The following WDFY3 variants were observed in gnomAD, a reference collection of about 807,000 sequenced individuals.
The protein encoded by WDFY3 is WD repeat and FYVE domain containing 3.
A neutral mutation model predicts 409.6 loss-of-function variants in WDFY3; 66 were observed. The observed-to-expected ratio is 0.16, with a 90% confidence interval of 0.13 to 0.20. The LOEUF (loss-of-function observed/expected upper bound fraction) is 0.20, where lower values mean the gene tolerates loss of function less well. WDFY3 is among the 10% of genes least tolerant of loss of function. The pLI, the probability that WDFY3 is intolerant of heterozygous loss-of-function variation, is 1.00. For synonymous variants in WDFY3, 1,521 were observed against 1,537.1 expected, an observed-to-expected ratio of 0.99 and a Z score of 0.25; for missense variants, 3,031 against 4,298.1, an observed-to-expected ratio of 0.71 and a Z score of 8.24.
intron 17 of WDFY3, among the ~76,000 whole-genome samples, chr4:84,799,301 C>G (rs145331193): frequency 6.6e-6 from 1 of 151,236 alleles, no homozygotes; most frequent in Admixed American, 6.6e-5. Context: ...GGACTACAGG[C>G]ACACGCCACC....
intron 2 of WDFY3, among the ~76,000 whole-genome samples, chr4:84,906,125 C>T (rs1341155268): frequency 3.3e-5 from 5 of 152,126 alleles, no homozygotes; most frequent in Non-Finnish European, 7.4e-5. Flanking sequence ...AGTAAAATGC[C>T]TGTCATGTAA....
chr4:84,721,268 C>G (rs1734815264), intron 47 of WDFY3, 141 bp downstream of exon 47: 2 of 1,125,724 alleles, frequency 1.8e-6, no homozygotes, highest in South Asian at 1.6e-5. Context: ...AAGTAGAGTA[C>G]TGAACCCAAA....
At chr4:84,920,477 T>C (rs759777704) in intron 2 of WDFY3, among the ~76,000 whole-genome samples, 1 of 152,180 alleles carries the variant, frequency 6.6e-6, no homozygotes, top group Non-Finnish European at 1.5e-5. Flanking sequence ...AATATATACA[T>C]ATAAACATGC....
chr4:84,809,825 C>T (rs779714602), intron 14 of WDFY3, 62 bp downstream of exon 14: 91 of 1,427,530 alleles, frequency 6.4e-5, no homozygotes, highest in Non-Finnish European at 8.4e-5. Flanking sequence ...TAATTCAAGT[C>T]TTAATGTTGA....
Position 84,690,614 on chromosome 4 carries a change from T to C in WDFY3, c.9255A>G (p.Ala3085=). 1 of 1,614,156 alleles carries C rather than the reference T, an allele frequency of 6.2e-7. No individual in the cohort carries two copies. The highest frequency in any genetic ancestry group is 8.5e-7 in the Non-Finnish European group (1 of 1,180,020). ...CLSEWGQILC[A]ICPNPKLVIT... is the part of the protein sequence containing the mutation. ...TGACCAGCTTGGGGTTGGGGCAGAT[T>C]GCACAGAGAATCTGGCCCCACTCAG... is the stretch of plus-strand genomic sequence containing the variant. Residue 3085 remains alanine, a synonymous_variant, in exon 61 of 68, where the codon GCA becomes GCG. Transcript: ENST00000295888.
At position 84,737,379 on chromosome 4, in the gene WDFY3, C is replaced by T; in HGVS notation, c.6575-13G>A. 6.6e-7 allele frequency: 1 copy of T among 1,526,428 alleles called. No homozygotes were observed. Among genetic ancestry groups the T allele is most frequent in the Non-Finnish European group, 8.8e-7 (1 of 1,139,702 alleles). The allele number at this position is 1,526,428 out of a possible 1,614,324, so 94.6% of individuals were successfully genotyped here. On this transcript the variant is annotated splice_polypyrimidine_tract_variant and intron_variant, in intron 40 of 67. Transcript: ENST00000295888. ...AGAAGCTGACGCCCTAGTAAACAAACAAACAAACAAACAAAAAAGTAAGCA... is the reference window on the plus strand; with the variant it reads ...AGAAGCTGACGCCCTAGTAAACAAATAAACAAACAAACAAAAAAGTAAGCA...
intron 46 of WDFY3, among the ~76,000 whole-genome samples, chr4:84,723,980 A>G (rs1452060392): frequency 1.3e-5 from 2 of 152,256 alleles, no homozygotes; most frequent in East Asian, 3.8e-4. Flanking sequence ...ACTCATAGGA[A>G]GAAAGACCAT....
At chr4:84,850,320 T>C (rs1382438945) in intron 4 of WDFY3, among the ~76,000 whole-genome samples, 1 of 124,128 alleles carries the variant, frequency 8.1e-6, no homozygotes, top group East Asian at 2.6e-4. Context: ...AATTATAACG[T>C]TTCTTTTTTT....
intron 32 of WDFY3, among the ~76,000 whole-genome samples, chr4:84,761,836 T>G (rs548262690): frequency 6.6e-6 from 1 of 152,316 alleles, no homozygotes; most frequent in African/African-American, 2.4e-5. Flanking sequence ...AGAAGGCATT[T>G]ATGCAGCCAA....
Position 84,860,608 on chromosome 4 carries a change from G to C in WDFY3, c.-17C>G, listed in dbSNP as rs372613796. On this transcript the variant is annotated 5_prime_UTR_variant, in exon 4 of 68. Transcript: ENST00000295888. ...CATGTTCATCTTGGCTGGTTGGTGA[G>C]ACGCACTTCTAATTCTGTAGGAAAA... 1 of 1,589,222 alleles carries C rather than the reference G, an allele frequency of 6.3e-7. No individual in the cohort carries two copies. The highest frequency in any genetic ancestry group is 8.6e-7 in the Non-Finnish European group (1 of 1,163,384).
At chr4:84,831,198 A>AG (rs1313566618) in intron 8 of WDFY3, among the ~76,000 whole-genome samples, 1 of 151,774 alleles carries the variant, frequency 6.6e-6, no homozygotes, top group Non-Finnish European at 1.5e-5. Flanking sequence ...AAAAAAAAAA[A>AG]AAAAGAAATA....
chr4:84,942,801 T>G (rs1579226266), intron 1 of WDFY3, among the ~76,000 whole-genome samples: 1 of 152,360 alleles, frequency 6.6e-6, no homozygotes, highest in East Asian at 1.9e-4. Flanking sequence ...CTTTATATAT[T>G]CTGGTTCATA....
At chr4:84,805,814 G>A (rs1751410449) in intron 15 of WDFY3, among the ~76,000 whole-genome samples, 1 of 152,118 alleles carries the variant, frequency 6.6e-6, no homozygotes, top group Non-Finnish European at 1.5e-5. Context: ...GTTATATTCT[G>A]TAGAGTTCTG....
intron 6 of WDFY3, among the ~76,000 whole-genome samples, chr4:84,837,369 A>G (rs1756723104): frequency 6.6e-6 from 1 of 152,138 alleles, no homozygotes; most frequent in South Asian, 2.1e-4. Context: ...AAGCTTTAGA[A>G]TTTAGAAAAA....
At chr4:84,888,134 T>A (rs1764469866) in intron 3 of WDFY3, among the ~76,000 whole-genome samples, 1 of 152,224 alleles carries the variant, frequency 6.6e-6, no homozygotes, top group Non-Finnish European at 1.5e-5. Flanking sequence ...CTATCTTTAA[T>A]TCAAATCTGC....
At chr4:84,789,998 G>T in intron 21 of WDFY3, 91 bp from the exon 22 acceptor site, 1 of 1,327,010 alleles carries the variant, frequency 7.5e-7, no homozygotes, top group Non-Finnish European at 1.0e-6. Flanking sequence ...TTGACTTTAT[G>T]TTAAAACAAA....
At chr4:84,760,962 T>C (rs1374139808) in intron 32 of WDFY3, among the ~76,000 whole-genome samples, 6 of 148,912 alleles carry the variant, frequency 4.0e-5, no homozygotes, top group Admixed American at 6.8e-5. Context: ...AATTTCCCTC[T>C]ACACACTGCT....
intron 4 of WDFY3, among the ~76,000 whole-genome samples, chr4:84,852,695 T>C (rs182335977): frequency 4.3e-4 from 66 of 152,290 alleles, no homozygotes; most frequent in African/African-American, 1.4e-3. Flanking sequence ...TTTTGATAAA[T>C]GTTGTGTGCT....
intron 4 of WDFY3, among the ~76,000 whole-genome samples, chr4:84,851,045 C>T (rs1394762670): frequency 7.1e-6 from 1 of 140,502 alleles, no homozygotes; most frequent in African/African-American, 2.7e-5. Context: ...CCTCTGCCTC[C>T]CTAAGTGCTG....
Sources: allele counts gnomAD v4.1 joint callset (sites outside exome capture counted in the v4.1 genomes callset), GRCh38; gene constraint gnomAD v4.1.1; transcripts MANE v1.5; gene names NCBI Gene and HGNC (gene_info 2026-07-23, HGNC 2026-07-21).